Variants in BLTP3B observed in about 807,000 individuals in gnomAD.
BLTP3B encodes the protein UHRF1 (ICBP90) binding protein 1-like.
the BLTP3B span, among the ~76,000 whole-genome samples, chr12:100,084,923 A>G: frequency 6.6e-6 from 1 of 152,218 alleles, no homozygotes; most frequent in Non-Finnish European, 1.5e-5. Flanking sequence ...ATTTAAAGCC[A>G]TATGACTCGT....
At chr12:100,055,412 C>T in the BLTP3B span, among the ~76,000 whole-genome samples, 1 of 152,094 alleles carries the variant, frequency 6.6e-6, no homozygotes, top group South Asian at 2.1e-4. Context: ...CATGTTGGCT[C>T]ATACCTGTAA....
chr12:100,082,267 T>C, the BLTP3B span, among the ~76,000 whole-genome samples: 1 of 152,242 alleles, frequency 6.6e-6, no homozygotes, highest in African/African-American at 2.4e-5. Flanking sequence ...TGGTTTTTGC[T>C]TGTCGATTCA....
chr12:100,084,444 A>G, the BLTP3B span: 13 of 1,586,828 alleles, frequency 8.2e-6, no homozygotes, highest in African/African-American at 1.3e-5. Flanking sequence ...AACACTCTTA[A>G]TATTAGGGGA....
the BLTP3B span, among the ~76,000 whole-genome samples, chr12:100,113,858 G>T: frequency 1.6e-3 from 242 of 151,618 alleles, no homozygotes; most frequent in Non-Finnish European, 2.3e-3. Context: ...TGAAAAACTA[G>T]ATGTTACAGG....
At chr12:100,085,151 A>G in the BLTP3B span, among the ~76,000 whole-genome samples, 1 of 152,206 alleles carries the variant, frequency 6.6e-6, no homozygotes, top group Non-Finnish European at 1.5e-5. Flanking sequence ...TTTTGGAAGA[A>G]AAATATATAA....
chr12:100,061,607 A>C, the BLTP3B span, among the ~76,000 whole-genome samples: 1 of 148,628 alleles, frequency 6.7e-6, no homozygotes, highest in Non-Finnish European at 1.5e-5. Context: ...CAGTGAGCCG[A>C]GATCGCGCCA....
the BLTP3B span, among the ~76,000 whole-genome samples, chr12:100,139,027 G>A: frequency 2.6e-5 from 4 of 152,074 alleles, no homozygotes; most frequent in African/African-American, 9.7e-5. Context: ...TCCTATTACA[G>A]TTTGAAAAAT....
At chr12:100,088,246 T>C in the BLTP3B span, among the ~76,000 whole-genome samples, 1 of 152,216 alleles carries the variant, frequency 6.6e-6, no homozygotes, top group Non-Finnish European at 1.5e-5. Flanking sequence ...TTGAGAATTA[T>C]AGTCCTTAAG....
the BLTP3B span, among the ~76,000 whole-genome samples, chr12:100,107,058 C>T: frequency 6.6e-6 from 1 of 151,826 alleles, no homozygotes; most frequent in African/African-American, 2.4e-5. Context: ...GAGGCAGAGG[C>T]GGGTGGTGGA....
At chr12:100,095,533 A>G in the BLTP3B span, 1 of 929,586 alleles carries the variant, frequency 1.1e-6, no homozygotes, top group South Asian at 1.8e-5. Context: ...TACATAGAAG[A>G]TATCTAGATA....
the BLTP3B span, among the ~76,000 whole-genome samples, chr12:100,118,501 G>T: frequency 6.6e-6 from 1 of 152,148 alleles, no homozygotes; most frequent in African/African-American, 2.4e-5. Flanking sequence ...ATGACTAAAT[G>T]TAATATATTT....
At chr12:100,058,014 A>G in the BLTP3B span, 2 of 1,543,248 alleles carry the variant, frequency 1.3e-6, no homozygotes, top group Non-Finnish European at 8.7e-7. Flanking sequence ...AAAAAGGCCA[A>G]TAAAATGTTG....
At chr12:100,075,661 A>G in the BLTP3B span, among the ~76,000 whole-genome samples, 1 of 152,216 alleles carries the variant, frequency 6.6e-6, no homozygotes, top group South Asian at 2.1e-4. Context: ...ACACCATTAA[A>G]AAGTGGGCAA....
chr12:100,107,669 A>G, the BLTP3B span, among the ~76,000 whole-genome samples: 1 of 152,154 alleles, frequency 6.6e-6, no homozygotes, highest in Non-Finnish European at 1.5e-5. Context: ...AAACTAATGA[A>G]GAAAAGGGAT....
the BLTP3B span, chr12:100,059,653 C>T: frequency 1.6e-6 from 2 of 1,223,470 alleles, no homozygotes; most frequent in South Asian, 1.6e-5. Flanking sequence ...TACTACTTTC[C>T]TATTAAGACG....
chr12:100,106,653 T>C, the BLTP3B span, among the ~76,000 whole-genome samples: 1 of 152,098 alleles, frequency 6.6e-6, no homozygotes, highest in South Asian at 2.1e-4. Flanking sequence ...CTGAGTACAA[T>C]ATACACTACT....
At chr12:100,108,726 T>TA in the BLTP3B span, among the ~76,000 whole-genome samples, 2 of 151,960 alleles carry the variant, frequency 1.3e-5, no homozygotes, top group African/African-American at 4.8e-5. Flanking sequence ...TATTCAGCCA[T>TA]AAAAAAGAAT....
chr12:100,059,796 C>T, the BLTP3B span: 1 of 1,522,360 alleles, frequency 6.6e-7, no homozygotes, highest in Non-Finnish European at 8.9e-7. Context: ...ACGCACAAAT[C>T]ATAAAATAAA....
At chr12:100,137,193 C>A in the BLTP3B span, among the ~76,000 whole-genome samples, 36 of 152,178 alleles carry the variant, frequency 2.4e-4, no homozygotes, top group African/African-American at 8.7e-4. Flanking sequence ...AAATCTCCAA[C>A]CCTTCCAATT....
Sources: gnomAD v4.1 joint callset for allele counts (sites outside exome capture counted in the v4.1 genomes callset) on GRCh38, gnomAD v4.1.1 for gene constraint, MANE v1.5 for transcripts, NCBI Gene and HGNC (gene_info 2026-07-23, HGNC 2026-07-21) for gene names.